C6: variants seen among roughly 807,000 people sequenced by gnomAD.
The protein encoded by C6 is complement C6, also known as complement component C6.
A neutral mutation model predicts 112.9 loss-of-function variants in C6; 101 were observed. That is an observed-to-expected ratio of 0.89 (90% CI 0.76 to 1.06). The LOEUF (loss-of-function observed/expected upper bound fraction) is 1.06, where lower values mean the gene tolerates loss of function less well. C6 is among the 50% of genes least tolerant of loss of function. The pLI is 0.00. For missense variants in C6, 1,202 were observed against 1,104.6 expected (o/e 1.09, Z -1.25); for synonymous variants, 431 against 384.1 (o/e 1.12, Z -1.43).
intron 6 of C6, among the ~76,000 whole-genome samples, chr5:41,184,397 T>C (rs1038750172): frequency 6.6e-6 from 1 of 152,210 alleles, no homozygotes. Flanking sequence ...CAGGAATCCT[T>C]ATTTTTCTGT....
chr5:41,159,855 T>G (rs1412221928), intron 11 of C6, among the ~76,000 whole-genome samples: 2 of 152,194 alleles, frequency 1.3e-5, no homozygotes, highest in African/African-American at 4.8e-5. Context: ...GTATTCTTGA[T>G]ATATAAATAC....
chr5:41,199,900 A>G lies in C6; in HGVS notation c.313T>C (p.Ser105Pro), dbSNP rs1434752189. 6 of 1,613,650 alleles carry G rather than the reference A, an allele frequency of 3.7e-6. No homozygotes were observed. Among genetic ancestry groups the G allele is most frequent in the Non-Finnish European group, 5.1e-6 (6 of 1,179,692 alleles). The stretch of plus-strand genomic sequence containing the variant: ...CCAAACTGACTGGGACGCAAGACAG[A>G]TCTAACTTTAGACTGAAAGGAAAGA... ...PCIEKQSKVR[S>P]VLRPSQFGGQ... Residue 105 changes from serine to proline, a missense_variant, in exon 4 of 18, where the codon TCT becomes CCT. By Grantham distance (74) the Ser-to-Pro change is moderately conservative (BLOSUM62 -1). Transcript: ENST00000337836.
At chr5:41,249,106 G>A (rs1337392451) in intron 1 of C6, among the ~76,000 whole-genome samples, 1 of 152,032 alleles carries the variant, frequency 6.6e-6, no homozygotes, top group Non-Finnish European at 1.5e-5. Context: ...TAATCATTGG[G>A]TACTTATGTA....
Position 41,211,347 on chromosome 5 carries a change from C to A in C6, c.-21+2029G>T, listed in dbSNP as rs985560077. On this transcript the variant is annotated intron_variant, in intron 1 of 17. Transcript: ENST00000337836. ...GCATATGTATACATATGTAACAAAC[C>A]TTCACGTTGTGCACATGTACCCTAG... Among the ~76,000 whole-genome samples, 6 of 151,940 alleles carry A rather than the reference C, an allele frequency of 3.9e-5. No individual in the cohort carries two copies. The East Asian group carries it at 9.7e-4, about 25-fold the overall frequency.
At chr5:41,247,625 G>A (rs1741101277) in intron 1 of C6, among the ~76,000 whole-genome samples, 1 of 151,598 alleles carries the variant, frequency 6.6e-6, no homozygotes, top group African/African-American at 2.4e-5. Context: ...GGCTGAGGCA[G>A]GAGAATGGCA....
intron 8 of C6, among the ~76,000 whole-genome samples, chr5:41,173,520 C>A (rs1489418584): frequency 6.6e-6 from 1 of 152,156 alleles, no homozygotes; most frequent in Non-Finnish European, 1.5e-5. Context: ...AAATCCAGCT[C>A]TTTTGATGTT....
chr5:41,156,419 C>T (rs1746917012), intron 13 of C6, among the ~76,000 whole-genome samples: 1 of 152,130 alleles, frequency 6.6e-6, no homozygotes, highest in African/African-American at 2.4e-5. Flanking sequence ...CCTTTAGTGG[C>T]AACTCCACAA....
intron 1 of C6, among the ~76,000 whole-genome samples, chr5:41,255,711 G>T (rs1741652255): frequency 6.6e-6 from 1 of 152,168 alleles, no homozygotes; most frequent in Non-Finnish European, 1.5e-5. Flanking sequence ...ACGTGCTATA[G>T]GTCTGTCAAA....
chr5:41,167,218 T>A (rs1372635008), intron 9 of C6, among the ~76,000 whole-genome samples: 1 of 152,048 alleles, frequency 6.6e-6, no homozygotes, highest in East Asian at 1.9e-4. Context: ...GCAAAAATCA[T>A]AGATTTGAAG....
In C6 at chr5:41,160,392, G is replaced by A. The variant is rs777770433; in HGVS notation, c.1459-25C>T. ...GCTAGGAGAAAATGGGAGAGAGGAG[G>A]TCCAGTCACATCCCCTTTGGTAATA... On this transcript the variant is annotated intron_variant, in intron 10 of 17. Coordinates refer to ENST00000337836, the MANE Select transcript of C6 (RefSeq NM_000065.5). 7 of 1,564,832 alleles carry A rather than the reference G, an allele frequency of 4.5e-6. No homozygotes were observed. In the Admixed American group the frequency reaches 5.0e-5, roughly 11 times the overall value.
chr5:41,157,461 T>C (rs1254057978), intron 13 of C6, among the ~76,000 whole-genome samples: 7 of 152,234 alleles, frequency 4.6e-5, no homozygotes, highest in African/African-American at 7.2e-5. Context: ...GTAGGCCATA[T>C]GGCATCTGTT....
At chr5:41,236,378 A>C (rs1301561057) in intron 1 of C6, among the ~76,000 whole-genome samples, 2 of 151,688 alleles carry the variant, frequency 1.3e-5, no homozygotes, top group African/African-American at 4.9e-5. Context: ...GTCAAAGATC[A>C]GATAGTTGTA....
chr5:41,188,189 G>A (rs4400166), intron 5 of C6, among the ~76,000 whole-genome samples: 80,072 of 151,836 alleles, frequency 0.53, 21,571 homozygotes, highest in African/African-American at 0.59. Context: ...TTGTGTTGTT[G>A]AGATAGCAGT....
At chr5:41,247,905 G>T (rs960129070) in intron 1 of C6, among the ~76,000 whole-genome samples, 4 of 151,818 alleles carry the variant, frequency 2.6e-5, no homozygotes, top group Non-Finnish European at 4.4e-5. Flanking sequence ...AAAGCTGGAG[G>T]TATTATATTA....
At chr5:41,258,118 T>C (rs1260507461) in intron 1 of C6, among the ~76,000 whole-genome samples, 1 of 152,196 alleles carries the variant, frequency 6.6e-6, no homozygotes, top group Non-Finnish European at 1.5e-5. Flanking sequence ...TAATTTTTCT[T>C]ATTATTCTAT....
intron 12 of C6, 54 bp downstream of exon 12, chr5:41,159,028 T>A (rs539738213): frequency 6.4e-7 from 1 of 1,571,056 alleles, no homozygotes; most frequent in Non-Finnish European, 8.8e-7. Context: ...GAACTCTCAA[T>A]GTTATTGAGA....
intron 1 of C6, among the ~76,000 whole-genome samples, chr5:41,244,573 G>A (rs186371655): frequency 2.6e-4 from 39 of 152,276 alleles, no homozygotes; most frequent in African/African-American, 8.9e-4. Flanking sequence ...CTGCACAGAC[G>A]TGGCTCCCAA....
rs140004476 is a variant in C6 at position 41,218,797 on chromosome 5, T to A, written c.-20-15547A>T. On this transcript the variant is annotated intron_variant, in intron 1 of 17. Coordinates refer to the C6 transcript ENST00000263413. Reference sequence around the variant, plus strand: ...GCCGCATGCAGGGAGAAGAAGAGAATGCCTCTGTAGAGAGAAAAAAGAATG... The same window carrying A: ...GCCGCATGCAGGGAGAAGAAGAGAAAGCCTCTGTAGAGAGAAAAAAGAATG... Among the ~76,000 whole-genome samples the A allele has an allele frequency of 5.2e-3, 788 of 152,186 alleles. 2 individuals carry two copies. The highest frequency in any genetic ancestry group is 0.017 in the Middle Eastern group (5 of 294).
At chr5:41,248,526 A>G (rs1307768759) in intron 1 of C6, among the ~76,000 whole-genome samples, 1 of 152,248 alleles carries the variant, frequency 6.6e-6, no homozygotes. Context: ...ATGAACAGAC[A>G]TTTCTGAAAA....
Sources: gnomAD v4.1 joint callset for allele counts (sites outside exome capture counted in the v4.1 genomes callset) on GRCh38, gnomAD v4.1.1 for gene constraint, MANE v1.5 for transcripts, NCBI Gene and HGNC (gene_info 2026-07-23, HGNC 2026-07-21) for gene names.